Variants in ITGA1 observed in about 807,000 individuals in gnomAD.
ITGA1 encodes integrin alpha-1.
In ITGA1, 85 loss-of-function variants were observed where a neutral mutation model predicts 145.9. The observed-to-expected ratio is 0.58, with a 90% CI of 0.49 to 0.70. The LOEUF (loss-of-function observed/expected upper bound fraction) is 0.70, where lower values mean the gene tolerates loss of function less well. Ranked by LOEUF, ITGA1 falls within the 30% of genes least tolerant of loss-of-function variation. ITGA1 has a pLI of 0.00. For synonymous variants in ITGA1, 520 were observed against 495.3 expected (o/e 1.05, Z -0.66); for missense variants, 1,351 against 1,418.7 (o/e 0.95, Z 0.77).
chr5:52,910,854 T>A (rs1351827429), intron 14 of ITGA1, among the ~76,000 whole-genome samples: 3 of 142,072 alleles, frequency 2.1e-5, no homozygotes, highest in Non-Finnish European at 4.5e-5. Context: ...ATAGTGTATA[T>A]ATACACACTA....
At chr5:52,826,619 G>A (rs1409829904) in intron 1 of ITGA1, among the ~76,000 whole-genome samples, 1 of 152,168 alleles carries the variant, frequency 6.6e-6, no homozygotes, top group Non-Finnish European at 1.5e-5. Flanking sequence ...CTTCTTAGGG[G>A]CTAATGTAGC....
intron 26 of ITGA1, among the ~76,000 whole-genome samples, chr5:52,942,537 T>G (rs1201804101): frequency 1.3e-5 from 2 of 150,552 alleles, no homozygotes; most frequent in South Asian, 4.2e-4. Context: ...ATGGAGTTTT[T>G]TTTTTTTTTT....
At chr5:52,794,286 G>A (rs1438620596) in intron 1 of ITGA1, among the ~76,000 whole-genome samples, 4 of 139,248 alleles carry the variant, frequency 2.9e-5, no homozygotes, top group Admixed American at 7.0e-5. Context: ...AGTTAAGATG[G>A]TTTATATATT....
At chr5:52,915,714 C>T (rs189125277) in intron 15 of ITGA1, 120 bp downstream of exon 15, 1 of 1,222,248 alleles carries the variant, frequency 8.2e-7, no homozygotes, top group East Asian at 2.4e-5. Context: ...TATGCAAATA[C>T]AAGTTATTCA....
intron 1 of ITGA1, among the ~76,000 whole-genome samples, chr5:52,823,990 C>CT (rs1748919743): frequency 6.6e-6 from 1 of 152,118 alleles, no homozygotes; most frequent in African/African-American, 2.4e-5. Context: ...TTAAAGAGCT[C>CT]TAGCTTGAAG....
chr5:52,788,085 C>T lies in ITGA1; in HGVS notation c.-269C>T, dbSNP rs952400519. On this transcript the variant is annotated 5_prime_UTR_variant, in exon 1 of 29. Coordinates refer to ENST00000282588, the MANE Select transcript of ITGA1 (RefSeq NM_181501.2). ...CATGTCTCGGACAGAGCCTGGGAAG[C>T]TGCCAGTGAGATTTCAGAGACCAAG... 5 of 406,046 alleles carry T rather than the reference C, an allele frequency of 1.2e-5. No homozygotes were observed. The highest frequency in any genetic ancestry group is 6.2e-5 in the African/African-American group (3 of 48,180). 25.2% of individuals were successfully genotyped at this position (406,046 alleles called of 1,614,324 possible).
intron 8 of ITGA1, among the ~76,000 whole-genome samples, chr5:52,888,307 G>A (rs1056665056): frequency 4.6e-5 from 7 of 151,976 alleles, no homozygotes; most frequent in African/African-American, 1.7e-4. Context: ...AAGAAGAGGA[G>A]GAAAGGAAGG....
At chr5:52,852,789 A>G (rs182433330) in intron 2 of ITGA1, among the ~76,000 whole-genome samples, 2 of 152,158 alleles carry the variant, frequency 1.3e-5, no homozygotes, top group Non-Finnish European at 2.9e-5. Context: ...ATGAGGCCTT[A>G]TACATAATAT....
intron 3 of ITGA1, among the ~76,000 whole-genome samples, chr5:52,862,739 C>A (rs1287037067): frequency 2.0e-5 from 3 of 152,016 alleles, no homozygotes; most frequent in Non-Finnish European, 4.4e-5. Flanking sequence ...AGGAATGTGA[C>A]CGGAAAATTC....
intron 1 of ITGA1, chr5:52,802,880 T>C (rs1748516698): frequency 6.6e-6 from 1 of 152,224 alleles, no homozygotes; most frequent in African/African-American, 2.4e-5. Flanking sequence ...ACTTAAACTC[T>C]GATACTCTTT....
At chr5:52,823,412 A>T (rs1165437142) in intron 1 of ITGA1, among the ~76,000 whole-genome samples, 1 of 151,998 alleles carries the variant, frequency 6.6e-6, no homozygotes, top group Non-Finnish European at 1.5e-5. Flanking sequence ...TGCTCTGTTG[A>T]CCAGGCTGGT....
chr5:52,929,494 T>C, intron 20 of ITGA1, 131 bp from the exon 21 acceptor site: 1 of 624,124 alleles, frequency 1.6e-6, no homozygotes, highest in Non-Finnish European at 2.9e-6. Flanking sequence ...ACAATAAGGT[T>C]TCATTTTGTA....
chr5:52,887,972 G>A lies in ITGA1; in HGVS notation c.924+7G>A. ...TCAACGGTTTTCCATAGCTGTAAGT[G>A]TGTTGCCGGAGATATTTTCAAACTC... On this transcript the variant is annotated splice_region_variant and intron_variant, in intron 8 of 28. Coordinates refer to ENST00000282588, the MANE Select transcript of ITGA1 (RefSeq NM_181501.2). 1.2e-6 allele frequency: 2 copies of A among 1,609,818 alleles called. No individual in the cohort carries two copies. The highest frequency in any genetic ancestry group is 1.7e-6 in the Non-Finnish European group (2 of 1,176,940).
At position 52,901,367 on chromosome 5, in the gene ITGA1, T is replaced by A. The variant is rs184430607; in HGVS notation, c.1309+2984T>A. On this transcript the variant is annotated intron_variant, in intron 11 of 28. Transcript: ENST00000282588. ...TATGCCAGACTTCTAATAAACAGAA[T>A]GGTAAGATAAAAAGTTCATGATGCT... Among the ~76,000 whole-genome samples, 377 of 152,282 alleles carry A rather than the reference T, an allele frequency of 2.5e-3. 6 individuals are homozygous for A. Among genetic ancestry groups the A allele is most frequent in the Non-Finnish European group, 7.2e-4 (49 of 68,014 alleles).
intron 3 of ITGA1, among the ~76,000 whole-genome samples, chr5:52,862,507 T>C (rs1749623489): frequency 6.6e-6 from 1 of 152,306 alleles, no homozygotes; most frequent in Admixed American, 6.5e-5. Context: ...TTTATAACTT[T>C]TAACTCTCTG....
chr5:52,788,371 C>A lies in ITGA1; in HGVS notation c.18C>A (p.Arg6=). 6.6e-7 allele frequency: 1 copy of A among 1,512,008 alleles called. No homozygotes were observed. The allele number at this position is 1,512,008 out of a possible 1,614,324, so 93.7% of individuals were successfully genotyped here. A position where few individuals can be genotyped will look rare whatever the true frequency, so the allele number is the denominator to read the frequency against. Residue 6 remains arginine, a synonymous_variant, in exon 1 of 29, where the codon CGC becomes CGA. Coordinates refer to ENST00000282588, the MANE Select transcript of ITGA1 (RefSeq NM_181501.2). MAPRP[R]ARPGVAVACC... is the part of the protein sequence containing the mutation. ...CTCCGGCCATGGCCCCTCGGCCCCG[C>A]GCCCGCCCAGGGGTCGCTGTCGCCT...
At chr5:52,821,201 G>C (rs1036399635) in intron 1 of ITGA1, among the ~76,000 whole-genome samples, 1 of 152,140 alleles carries the variant, frequency 6.6e-6, no homozygotes, top group African/African-American at 2.4e-5. Context: ...CCATTCAATA[G>C]CATTAAGATT....
chr5:52,833,875 T>C (rs1393943224), intron 1 of ITGA1, among the ~76,000 whole-genome samples: 1 of 152,114 alleles, frequency 6.6e-6, no homozygotes, highest in African/African-American at 2.4e-5. Flanking sequence ...AGAAAAGCAG[T>C]TGGCTGGATG....
At chr5:52,865,147 T>C in intron 5 of ITGA1, 65 bp downstream of exon 5, 1 of 1,154,424 alleles carries the variant, frequency 8.7e-7, no homozygotes, top group Non-Finnish European at 1.3e-6. Context: ...GACGTATGTA[T>C]ACAAAGGAAC....
Sources: gnomAD v4.1 joint callset for allele counts (sites outside exome capture counted in the v4.1 genomes callset) on GRCh38, gnomAD v4.1.1 for gene constraint, MANE v1.5 for transcripts, NCBI Gene and HGNC (gene_info 2026-07-23, HGNC 2026-07-21) for gene names.